Variants in SNX29 observed in about 807,000 individuals in gnomAD.
SNX29 encodes sorting nexin-29.
A neutral mutation model predicts 102.1 loss-of-function variants in SNX29; 78 were observed. The ratio of observed to expected loss-of-function variants is 0.76; its 90% CI spans 0.64 to 0.92. The LOEUF (loss-of-function observed/expected upper bound fraction) is 0.92. Among genes scored for constraint, SNX29 ranks in the 40% least tolerant of loss-of-function variants. The pLI is 0.00. For missense variants in SNX29, 1,280 were observed against 1,061.7 expected (o/e 1.21, Z -2.86); for synonymous variants, 580 against 414.5 (o/e 1.40, Z -4.85).
chr16:11,983,327 A>G (rs764852269), intron 1 of SNX29, among the ~76,000 whole-genome samples: 1 of 149,832 alleles, frequency 6.7e-6, no homozygotes, highest in Non-Finnish European at 1.5e-5. Context: ...TCCTGTCTCA[A>G]CCTTCCAAAG....
chr16:12,550,564 A>G (rs1425118226), intron 20 of SNX29, among the ~76,000 whole-genome samples: 2 of 151,028 alleles, frequency 1.3e-5, no homozygotes, highest in African/African-American at 4.9e-5. Context: ...ACCAAATATG[A>G]GGATATATAC....
chr16:12,177,660 C>G (rs897886303), intron 13 of SNX29, among the ~76,000 whole-genome samples: 1 of 152,166 alleles, frequency 6.6e-6, no homozygotes, highest in Non-Finnish European at 1.5e-5. Flanking sequence ...ATTCACCCAC[C>G]CACCTATGCA....
chr16:12,444,080 A>G (rs909084001), intron 18 of SNX29, among the ~76,000 whole-genome samples: 1 of 148,174 alleles, frequency 6.7e-6, no homozygotes, highest in African/African-American at 2.6e-5. Flanking sequence ...CCTAGCACAT[A>G]CTAAGCACTC....
At chr16:12,440,986 C>T (rs1046446619) in intron 18 of SNX29, among the ~76,000 whole-genome samples, 2 of 151,880 alleles carry the variant, frequency 1.3e-5, no homozygotes, top group Non-Finnish European at 2.9e-5. Context: ...GACTTAGAAT[C>T]GTAGAAATCA....
At chr16:12,440,980 T>A (rs1179586312) in intron 18 of SNX29, among the ~76,000 whole-genome samples, 2 of 152,210 alleles carry the variant, frequency 1.3e-5, no homozygotes, top group Admixed American at 1.3e-4. Flanking sequence ...TTTTGTGACT[T>A]AGAATCGTAG....
At position 12,183,393 on chromosome 16, in the gene SNX29, C is replaced by T. The variant is rs532030523; in HGVS notation, c.1596-16208C>T. Reference sequence around the variant, plus strand: ...AGTACTATAAACTTGGATGTACCTACCGTCCACCTAGATTTACCAACTTTT... The same window carrying T: ...AGTACTATAAACTTGGATGTACCTATCGTCCACCTAGATTTACCAACTTTT... On this transcript the variant is annotated intron_variant, in intron 13 of 20. Coordinates refer to ENST00000566228, the MANE Select transcript of SNX29 (RefSeq NM_032167.5). 1.8e-4 allele frequency among the ~76,000 whole-genome samples: 28 copies of T among 152,182 alleles called. 2 individuals carry two copies. The South Asian group carries it at 5.8e-3, about 32-fold the overall frequency.
chr16:12,464,898 A>G (rs547509638), intron 18 of SNX29, among the ~76,000 whole-genome samples: 1 of 152,162 alleles, frequency 6.6e-6, no homozygotes, highest in Non-Finnish European at 1.5e-5. Context: ...TTTTCTCGAT[A>G]CCCTCACCAA....
intron 19 of SNX29, among the ~76,000 whole-genome samples, chr16:12,509,370 G>A (rs941466693): frequency 1.3e-5 from 2 of 152,180 alleles, no homozygotes; most frequent in African/African-American, 4.8e-5. Context: ...TTAGAGGGCT[G>A]GGGAGGCACG....
chr16:12,548,272 C>CTGACTGGGAAGG (rs2077735842), intron 20 of SNX29, among the ~76,000 whole-genome samples: 1 of 152,180 alleles, frequency 6.6e-6, no homozygotes, highest in Non-Finnish European at 1.5e-5. Flanking sequence ...AGATGTGGAC[C>CTGACTGGGAAGG]TGACTGGGAA....
At chr16:12,026,927 A>G (rs943413347) in intron 3 of SNX29, among the ~76,000 whole-genome samples, 1 of 152,198 alleles carries the variant, frequency 6.6e-6, no homozygotes, top group Non-Finnish European at 1.5e-5. Flanking sequence ...TACATGTAAT[A>G]TGAATTAGAG....
intron 20 of SNX29, chr16:12,546,353 G>A (rs530731064): frequency 1.3e-5 from 2 of 152,370 alleles, no homozygotes; most frequent in South Asian, 4.1e-4. Context: ...ACAGTTCCAT[G>A]TGGCTGGGGA....
intron 3 of SNX29, among the ~76,000 whole-genome samples, chr16:12,024,531 C>A (rs891125852): frequency 2.6e-5 from 4 of 152,114 alleles, no homozygotes; most frequent in Non-Finnish European, 5.9e-5. Context: ...TTAAGTAGAA[C>A]GGCCTTTGGC....
intron 15 of SNX29, among the ~76,000 whole-genome samples, chr16:12,279,739 G>A (rs574083825): frequency 6.6e-6 from 1 of 152,350 alleles, no homozygotes; most frequent in Non-Finnish European, 1.5e-5. Context: ...GCAAATGGTA[G>A]GTGCTGCGTA....
rs548362780 is a variant in SNX29 at position 12,569,092 on chromosome 16, C to A, written c.*463C>A. ...CTCCTTTTGCTTTTTAAGGTTATTA[C>A]CTGGCCTAACCTAGGGATGGCTGGC... On this transcript the variant is annotated 3_prime_UTR_variant, in exon 21 of 21. Coordinates refer to ENST00000566228, the MANE Select transcript of SNX29 (RefSeq NM_032167.5). 1.8e-5 allele frequency: 3 copies of A among 166,118 alleles called. No individual in the cohort carries two copies. The highest frequency in any genetic ancestry group is 2.2e-5 in the Non-Finnish European group (2 of 91,714). The allele number at this position is 166,118 out of a possible 1,614,324, so 10.3% of individuals were successfully genotyped here.
intron 11 of SNX29, among the ~76,000 whole-genome samples, chr16:12,082,158 T>C (rs1159986488): frequency 6.6e-6 from 1 of 152,074 alleles, no homozygotes; most frequent in Non-Finnish European, 1.5e-5. Context: ...TGACTCTGGC[T>C]GTGAGGCACA....
rs1035161222 is a variant in SNX29 at position 12,430,564 on chromosome 16, A to G, written c.2037+27035A>G. 5.3e-5 allele frequency among the ~76,000 whole-genome samples: 8 copies of G among 152,246 alleles called. 1 individual carries two copies. Among genetic ancestry groups the G allele is most frequent in the Admixed American group, 2.6e-4 (4 of 15,284 alleles). On this transcript the variant is annotated intron_variant, in intron 18 of 20. Coordinates refer to ENST00000566228, the MANE Select transcript of SNX29 (RefSeq NM_032167.5). ...CAGTTTATTCATTTGTAAAATGAGCATAGTGCATCAAAGCTTATAAAGTAG... is the reference window on the plus strand; with the variant it reads ...CAGTTTATTCATTTGTAAAATGAGCGTAGTGCATCAAAGCTTATAAAGTAG...
intron 10 of SNX29, among the ~76,000 whole-genome samples, chr16:12,071,887 G>A (rs1022634630): frequency 8.5e-5 from 13 of 152,210 alleles, no homozygotes; most frequent in South Asian, 2.1e-4. Context: ...GGTCCTTCAC[G>A]TCCCTTGTAA....
chr16:11,977,115 G>T (rs185576027), intron 1 of SNX29: 154 of 350,284 alleles, frequency 4.4e-4, no homozygotes, highest in African/African-American at 3.1e-3. Flanking sequence ...CTAGTGTCCA[G>T]ACCCCCAGTT....
chr16:12,141,999 A>G (rs1440925509), intron 13 of SNX29, among the ~76,000 whole-genome samples: 2 of 152,150 alleles, frequency 1.3e-5, no homozygotes, highest in Non-Finnish European at 2.9e-5. Flanking sequence ...ACCTCCAACA[A>G]TAGCACTCAT....
Sources: gnomAD v4.1 joint callset for allele counts (sites outside exome capture counted in the v4.1 genomes callset) on GRCh38, gnomAD v4.1.1 for gene constraint, MANE v1.5 for transcripts, NCBI Gene and HGNC (gene_info 2026-07-23, HGNC 2026-07-21) for gene names.